Variants in CLIC5 observed in about 807,000 individuals in gnomAD.
The protein encoded by CLIC5 is CLIC family member 5, also known as chloride intracellular channel protein 5.
In CLIC5, 20 loss-of-function variants were observed where a neutral mutation model predicts 24.7. That is an observed-to-expected ratio of 0.81 (90% confidence interval 0.57 to 1.18). The LOEUF (loss-of-function observed/expected upper bound fraction) is 1.18. CLIC5 is among the 50% of genes most tolerant of loss of function. CLIC5 has a pLI of 0.00. For missense variants in CLIC5, 341 were observed against 326.1 expected, an observed-to-expected ratio of 1.05 and a Z score of -0.35; for synonymous variants, 159 against 135.6, an observed-to-expected ratio of 1.17 and a Z score of -1.20.
chr6:45,901,250 G>T lies in CLIC5; in HGVS notation c.*1838C>A, dbSNP rs923778643. ...ACAATTTCCAGGGGGACCTGGAAAG[G>T]TTCCTTTTGAGGTGGAAATGAATCA... On this transcript the variant is annotated 3_prime_UTR_variant, in exon 6 of 6. Transcript: ENST00000339561. 5 of 152,086 alleles carry T rather than the reference G, an allele frequency of 3.3e-5. No individual in the cohort carries two copies. Among genetic ancestry groups the T allele is most frequent in the African/African-American group, 9.7e-5 (4 of 41,406 alleles). The allele number at this position is 152,086 out of a possible 1,614,324, so 9.4% of individuals were successfully genotyped here.
At chr6:45,929,469 A>G (rs1400160922) in intron 4 of CLIC5, among the ~76,000 whole-genome samples, 1 of 152,232 alleles carries the variant, frequency 6.6e-6, no homozygotes, top group Non-Finnish European at 1.5e-5. Flanking sequence ...TGCTAGTCAA[A>G]GCAAAACTTT....
At chr6:46,113,290 C>G in the CLIC5 span, among the ~76,000 whole-genome samples, 96 of 152,246 alleles carry the variant, frequency 6.3e-4, 1 homozygote, top group East Asian at 0.016. Context: ...AAAGCTCCAA[C>G]TGGCTGCTGA....
At chr6:45,984,077 A>T (rs191512959) in intron 1 of CLIC5, among the ~76,000 whole-genome samples, 13 of 152,324 alleles carry the variant, frequency 8.5e-5, no homozygotes, top group African/African-American at 3.1e-4. Flanking sequence ...TCAAGAAAAG[A>T]GTCAAAGAGA....
the CLIC5 span, among the ~76,000 whole-genome samples, chr6:46,110,445 A>C: frequency 6.6e-6 from 1 of 152,246 alleles, no homozygotes; most frequent in Non-Finnish European, 1.5e-5. Context: ...CAACATAGTT[A>C]CTTGCATAAT....
At chr6:46,033,617 C>A (rs1037937417) in intron 1 of CLIC5, among the ~76,000 whole-genome samples, 11 of 152,204 alleles carry the variant, frequency 7.2e-5, no homozygotes, top group African/African-American at 2.7e-4. Flanking sequence ...CCTGCCAGCC[C>A]TTCCTCATTC....
At chr6:45,888,456 T>G (rs1762323382) in intron 6 of CLIC5, among the ~76,000 whole-genome samples, 1 of 152,116 alleles carries the variant, frequency 6.6e-6, no homozygotes, top group Non-Finnish European at 1.5e-5. Context: ...TTCATGAAAA[T>G]TTATGCTTAC....
chr6:46,006,383 A>G (rs1403672975), intron 1 of CLIC5, among the ~76,000 whole-genome samples: 1 of 151,322 alleles, frequency 6.6e-6, no homozygotes, highest in Non-Finnish European at 1.5e-5. Flanking sequence ...TGACCTCATG[A>G]TCTGCCCACC....
At chr6:45,932,966 G>T (rs56766806) in intron 4 of CLIC5, among the ~76,000 whole-genome samples, 2 of 152,148 alleles carry the variant, frequency 1.3e-5, no homozygotes, top group African/African-American at 2.4e-5. Flanking sequence ...CTTCAATCAC[G>T]TTCCCATTCA....
chr6:46,023,467 A>C (rs1014160689), intron 1 of CLIC5, among the ~76,000 whole-genome samples: 2 of 152,204 alleles, frequency 1.3e-5, no homozygotes, highest in Non-Finnish European at 2.9e-5. Context: ...TTGGGATGCT[A>C]CTAGAAATTT....
intron 4 of CLIC5, among the ~76,000 whole-genome samples, chr6:45,930,702 C>G (rs916936154): frequency 7.2e-5 from 11 of 152,180 alleles, no homozygotes; most frequent in African/African-American, 2.7e-4. Context: ...GCGGGGGGAG[C>G]ACTGTGAAAT....
chr6:46,030,597 G>A (rs1330747180), intron 1 of CLIC5, among the ~76,000 whole-genome samples: 1 of 152,112 alleles, frequency 6.6e-6, no homozygotes, highest in Non-Finnish European at 1.5e-5. Context: ...GTTGGGACCT[G>A]CTCCCTGTGT....
chr6:45,964,697 C>T (rs908796763), intron 1 of CLIC5, among the ~76,000 whole-genome samples: 5 of 152,178 alleles, frequency 3.3e-5, no homozygotes, highest in African/African-American at 1.2e-4. Flanking sequence ...TATTCCAGCC[C>T]CCAGCTTTTG....
At chr6:45,883,460 T>G (rs1375500279) in intron 6 of CLIC5, among the ~76,000 whole-genome samples, 1 of 152,214 alleles carries the variant, frequency 6.6e-6, no homozygotes, top group East Asian at 1.9e-4. Flanking sequence ...GATGAAAGGC[T>G]AAGAGAAGGG....
chr6:46,115,386 TG>T, the CLIC5 span, among the ~76,000 whole-genome samples: 1 of 152,238 alleles, frequency 6.6e-6, no homozygotes, highest in Non-Finnish European at 1.5e-5. Flanking sequence ...AATCTGTTTC[TG>T]GGTCTGCAGA....
At chr6:46,068,926 T>C (rs767215512) in intron 1 of CLIC5, among the ~76,000 whole-genome samples, 1 of 152,120 alleles carries the variant, frequency 6.6e-6, no homozygotes, top group Non-Finnish European at 1.5e-5. Context: ...TGAGATACTT[T>C]ATTGCAGAAG....
chr6:46,068,534 A>G (rs1762504825), intron 1 of CLIC5, among the ~76,000 whole-genome samples: 1 of 152,182 alleles, frequency 6.6e-6, no homozygotes, highest in African/African-American at 2.4e-5. Flanking sequence ...AGGGAGATAT[A>G]AAGATATAAA....
At chr6:46,028,697 A>G (rs1193806860) in intron 1 of CLIC5, among the ~76,000 whole-genome samples, 1 of 152,154 alleles carries the variant, frequency 6.6e-6, no homozygotes, top group African/African-American at 2.4e-5. Context: ...CTGAAGGTAT[A>G]GATTTCCCAT....
At chr6:45,943,611 A>G (rs540110071) in intron 3 of CLIC5, among the ~76,000 whole-genome samples, 2 of 152,332 alleles carry the variant, frequency 1.3e-5, no homozygotes, top group South Asian at 2.1e-4. Flanking sequence ...TAAAGACAGA[A>G]AGGCCTAGAA....
chr6:46,120,974 C>T, the CLIC5 span, among the ~76,000 whole-genome samples: 4 of 152,200 alleles, frequency 2.6e-5, no homozygotes, highest in Non-Finnish European at 2.9e-5. Context: ...CTGAAAGTGA[C>T]GGGGAGAATG....
Sources: gnomAD v4.1 joint callset for allele counts (sites outside exome capture counted in the v4.1 genomes callset) on GRCh38, gnomAD v4.1.1 for gene constraint, MANE v1.5 for transcripts, NCBI Gene and HGNC (gene_info 2026-07-23, HGNC 2026-07-21) for gene names.